The following SULF1 variants were observed in gnomAD, a reference collection of about 807,000 sequenced individuals.
SULF1 encodes the protein extracellular sulfatase Sulf-1.
A neutral mutation model predicts 110.5 loss-of-function variants in SULF1; 46 were observed. That is an observed-to-expected ratio of 0.42 (90% CI 0.33 to 0.53). The LOEUF is 0.53. SULF1 is among the 20% of genes least tolerant of loss of function. The pLI, the probability that SULF1 is intolerant of heterozygous loss-of-function variation, is 0.12. For synonymous variants in SULF1, 371 were observed against 387.1 expected, an observed-to-expected ratio of 0.96 and a Z score of 0.49; for missense variants, 941 against 1,094.2, an observed-to-expected ratio of 0.86 and a Z score of 1.98.
intron 7 of SULF1, among the ~76,000 whole-genome samples, chr8:69,588,239 G>A (rs1401414218): frequency 3.3e-5 from 5 of 152,128 alleles, no homozygotes; most frequent in African/African-American, 1.2e-4. Context: ...TGTGGGTTAA[G>A]TCATTTTATT....
chr8:69,512,210 G>A (rs1403246038), intron 3 of SULF1, among the ~76,000 whole-genome samples: 1 of 152,074 alleles, frequency 6.6e-6, no homozygotes, highest in Non-Finnish European at 1.5e-5. Flanking sequence ...CTCTTTCTTT[G>A]TCATTAAGTA....
At chr8:69,608,953 A>G (rs1188368510) in intron 13 of SULF1, among the ~76,000 whole-genome samples, 2 of 152,182 alleles carry the variant, frequency 1.3e-5, no homozygotes, top group Non-Finnish European at 2.9e-5. Context: ...GCACATGTGC[A>G]TACTGAGGGG....
At chr8:69,597,971 C>G (rs1201528136) in intron 8 of SULF1, among the ~76,000 whole-genome samples, 1 of 152,120 alleles carries the variant, frequency 6.6e-6, no homozygotes, top group Non-Finnish European at 1.5e-5. Context: ...TAGCCCCTCT[C>G]TCCTCCTCCT....
At chr8:69,573,174 C>T (rs1043289441) in intron 5 of SULF1, among the ~76,000 whole-genome samples, 3 of 152,170 alleles carry the variant, frequency 2.0e-5, no homozygotes, top group Non-Finnish European at 2.9e-5. Flanking sequence ...GTATTCTTAA[C>T]AGTGCCTATG....
chr8:69,580,753 C>T (rs367914367), intron 6 of SULF1, among the ~76,000 whole-genome samples: 8 of 152,170 alleles, frequency 5.3e-5, no homozygotes, highest in African/African-American at 1.7e-4. Context: ...ATTTAATAGA[C>T]AGCTGCAATA....
Position 69,660,909 on chromosome 8 carries a change from C to T in SULF1, c.*2374C>T, listed in dbSNP as rs1480327233. Reference sequence around the variant, plus strand: ...TTTCTTCAAATAAAAGGTGTTTAAACTTTTTTCTGTTTCAGAGAAATGAAC... The same window carrying T: ...TTTCTTCAAATAAAAGGTGTTTAAATTTTTTTCTGTTTCAGAGAAATGAAC... On this transcript the variant is annotated 3_prime_UTR_variant, in exon 23 of 23. Coordinates refer to ENST00000402687, the MANE Select transcript of SULF1 (RefSeq NM_001128205.2). 1 of 152,566 alleles carries T rather than the reference C, an allele frequency of 6.6e-6. No individual in the cohort carries two copies. The highest frequency in any genetic ancestry group is 1.5e-5 in the Non-Finnish European group (1 of 68,022). The allele number at this position is 152,566 out of a possible 1,614,324, so 9.5% of individuals were successfully genotyped here. A position where few individuals can be genotyped will look rare whatever the true frequency, so the allele number is the denominator to read the frequency against.
chr8:69,468,117 C>T (rs900071375), intron 1 of SULF1, among the ~76,000 whole-genome samples: 1 of 152,230 alleles, frequency 6.6e-6, no homozygotes, highest in Non-Finnish European at 1.5e-5. Context: ...TACTTGCCCT[C>T]CGATAGCAAC....
intron 8 of SULF1, among the ~76,000 whole-genome samples, chr8:69,591,081 AGT>A (rs1362208691): frequency 6.6e-6 from 1 of 152,030 alleles, no homozygotes; most frequent in African/African-American, 2.4e-5. Flanking sequence ...GACAAAACAG[AGT>A]GTTTTGTGGC....
chr8:69,497,015 C>T (rs569366761), intron 2 of SULF1, among the ~76,000 whole-genome samples: 8 of 152,284 alleles, frequency 5.3e-5, no homozygotes, highest in South Asian at 4.1e-4. Flanking sequence ...GCACCATCCA[C>T]GATGGCAAGA....
chr8:69,588,051 T>C (rs574350893), intron 7 of SULF1, among the ~76,000 whole-genome samples: 5 of 152,344 alleles, frequency 3.3e-5, no homozygotes, highest in Admixed American at 6.5e-5. Flanking sequence ...TAGCCATGCC[T>C]GGAAGCCTTC....
In SULF1 at chr8:69,627,748, A is replaced by T. The variant is rs1332643528; in HGVS notation, c.1948-24A>T. 2.7e-6 allele frequency: 4 copies of T among 1,489,024 alleles called. No individual in the cohort carries two copies. In the South Asian group the frequency reaches 4.7e-5, roughly 17 times the overall value. The allele number at this position is 1,489,024 out of a possible 1,614,324, so 92.2% of individuals were successfully genotyped here. ...AAGAAAATCCTGATCTTAATACGTA[A>T]GTGCTTGAAAACATGTTTTCCAGAT... is the stretch of plus-strand genomic sequence containing the variant. On this transcript the variant is annotated intron_variant, in intron 16 of 22. Transcript: ENST00000402687.
Position 69,638,930 on chromosome 8 carries a change from A to G in SULF1, c.2551+72A>G, listed in dbSNP as rs957570176. 3.8e-5 allele frequency: 54 copies of G among 1,439,366 alleles called. No homozygotes were observed. The African/African-American group carries it at 7.6e-4, about 20-fold the overall frequency. The allele number at this position is 1,439,366 out of a possible 1,614,324, so 89.2% of individuals were successfully genotyped here. On this transcript the variant is annotated intron_variant, in intron 21 of 22. Transcript: ENST00000402687. ...TGTGTTACTGAGCTTTCTGCCTTGG[A>G]AACATTTAATTGCACAGAAACATAT...
At chr8:69,580,517 A>G (rs1234702002) in intron 6 of SULF1, among the ~76,000 whole-genome samples, 1 of 152,188 alleles carries the variant, frequency 6.6e-6, no homozygotes, top group Middle Eastern at 3.2e-3. Context: ...CAGTTTTCCA[A>G]TCTGTATGAT....
chr8:69,641,424 A>G (rs1244945873), intron 22 of SULF1, among the ~76,000 whole-genome samples: 2 of 152,150 alleles, frequency 1.3e-5, no homozygotes, highest in African/African-American at 4.8e-5. Flanking sequence ...AGGTGCTGGG[A>G]GTTGGGGACA....
At chr8:69,569,597 A>G (rs1184385934) in intron 5 of SULF1, among the ~76,000 whole-genome samples, 1 of 152,284 alleles carries the variant, frequency 6.6e-6, no homozygotes, top group East Asian at 1.9e-4. Flanking sequence ...TCTATAAACC[A>G]TGTCTCTATC....
chr8:69,638,409 A>T, intron 19 of SULF1, 93 bp from the exon 20 acceptor site: 1 of 1,382,254 alleles, frequency 7.2e-7, no homozygotes, highest in Non-Finnish European at 9.8e-7. Context: ...TGTGAACTTT[A>T]AAGTGTAAAG....
At position 69,540,787 on chromosome 8, in the gene SULF1, T is replaced by C. The variant is rs571318630; in HGVS notation, c.-133-22752T>C. 3.5e-4 allele frequency among the ~76,000 whole-genome samples: 54 copies of C among 152,284 alleles called. 1 individual carries two copies. The highest frequency in any genetic ancestry group is 1.2e-3 in the African/African-American group (49 of 41,558). On this transcript the variant is annotated intron_variant, in intron 3 of 22. Transcript: ENST00000402687. ...CCTCTTGCCACATAAAATCCACAAA[T>C]GGAAGGCCGATGAAAAGTCCCTGGA...
chr8:69,491,180 C>T (rs1809924617), upstream of SULF1, among the ~76,000 whole-genome samples: 1 of 152,182 alleles, frequency 6.6e-6, no homozygotes, highest in African/African-American at 2.4e-5. Context: ...GAATTTGAAG[C>T]ATGTTACTTT....
At chr8:69,488,823 G>T (rs149338808), upstream of SULF1, among the ~76,000 whole-genome samples, 13 of 152,170 alleles carry the variant, frequency 8.5e-5, no homozygotes, top group East Asian at 2.3e-3. Context: ...GCACACAGGG[G>T]TTGCACCGGG....
Sources: gnomAD v4.1 joint callset for allele counts (sites outside exome capture counted in the v4.1 genomes callset) on GRCh38, gnomAD v4.1.1 for gene constraint, MANE v1.5 for transcripts, NCBI Gene and HGNC (gene_info 2026-07-23, HGNC 2026-07-21) for gene names.